PRRC1: variants seen among roughly 807,000 people sequenced by gnomAD.
PRRC1 encodes the protein proline rich coiled-coil 1.
Under a neutral mutation model 40.7 loss-of-function variants are expected in PRRC1, and 39 were observed. The ratio of observed to expected loss-of-function variants is 0.96; its 90% confidence interval spans 0.74 to 1.25. The LOEUF (loss-of-function observed/expected upper bound fraction) is 1.25. PRRC1 is among the 50% of genes most tolerant of loss of function. The pLI is 0.00. For missense variants in PRRC1, 573 were observed against 548.3 expected (o/e 1.05, Z -0.45); for synonymous variants, 175 against 193.3 (o/e 0.91, Z 0.79).
chr5:127,553,977 TTCTGTTCTTGGCC>T lies in PRRC1; in HGVS notation c.*2062_*2074del. ...ACATGAACTGCTCTGGCCTCTCTGG[TTCTGTTCTTGGCC>T]CAGAGTTTTTGAAAAGCAGCGGAGC... On this transcript the variant is annotated 3_prime_UTR_variant, in exon 9 of 9. Coordinates refer to ENST00000296666, the MANE Select transcript of PRRC1 (RefSeq NM_130809.5). 6.9e-7 allele frequency: 1 copy of T among 1,445,362 alleles called. No individual in the cohort carries two copies. Among genetic ancestry groups the T allele is most frequent in the Non-Finnish European group, 9.2e-7 (1 of 1,083,372 alleles). The allele number at this position is 1,445,362 out of a possible 1,614,324, so 89.5% of individuals were successfully genotyped here. A position where few individuals can be genotyped will look rare whatever the true frequency, so the allele number is the denominator to read the frequency against.
At chr5:127,525,010 G>A (rs1170917764) in intron 3 of PRRC1, 90 bp downstream of exon 3, 6 of 1,275,488 alleles carry the variant, frequency 4.7e-6, no homozygotes, top group Middle Eastern at 2.3e-4. Flanking sequence ...TATAATTTAT[G>A]TACTCTACAA....
intron 7 of PRRC1, among the ~76,000 whole-genome samples, chr5:127,541,835 T>C (rs1255249794): frequency 1.3e-5 from 2 of 152,182 alleles, no homozygotes; most frequent in African/African-American, 4.8e-5. Context: ...AGCTCCTGGA[T>C]TCATTAATTT....
chr5:127,551,569 G>A, intron 8 of PRRC1, 138 bp from the exon 9 acceptor site: 2 of 826,718 alleles, frequency 2.4e-6, no homozygotes, highest in South Asian at 1.8e-5. Context: ...GATATAGTTG[G>A]CAGCCTAGCT....
At chr5:127,534,096 A>T (rs1301992208) in intron 6 of PRRC1, among the ~76,000 whole-genome samples, 1 of 152,208 alleles carries the variant, frequency 6.6e-6, no homozygotes, top group Non-Finnish European at 1.5e-5. Flanking sequence ...AGATGATAAT[A>T]TCCCTTGAAT....
At chr5:127,522,972 A>G (rs1767498939) in intron 1 of PRRC1, among the ~76,000 whole-genome samples, 1 of 151,804 alleles carries the variant, frequency 6.6e-6, no homozygotes, top group African/African-American at 2.4e-5. Context: ...ACTGAAATTT[A>G]TATTATTTAC....
At position 127,523,569 on chromosome 5, in the gene PRRC1, C is replaced by G. The variant is rs1767522708; in HGVS notation, c.90C>G (p.Thr30=). 1.2e-6 allele frequency: 2 copies of G among 1,607,136 alleles called. No individual in the cohort carries two copies. The highest frequency in any genetic ancestry group is 1.7e-6 in the Non-Finnish European group (2 of 1,176,650). Residue 30 remains threonine (T), a synonymous_variant, in exon 2 of 9, where the codon ACC becomes ACG. Transcript: ENST00000296666. ...AGLAATAMSS[T]PVPLAATSSF... ...TGGCTGCTACTGCTATGTCTTCTAC[C>G]CCTGTTCCATTAGGTACATGTAGTT... is the stretch of plus-strand genomic sequence containing the variant.
At chr5:127,547,725 T>C in intron 7 of PRRC1, 94 bp from the exon 8 acceptor site, 1 of 748,498 alleles carries the variant, frequency 1.3e-6, no homozygotes, top group Non-Finnish European at 2.2e-6. Flanking sequence ...AAATCTGTTC[T>C]ATCTGAATAA....
At chr5:127,520,603 G>C (rs577378419) in intron 1 of PRRC1, among the ~76,000 whole-genome samples, 1 of 152,304 alleles carries the variant, frequency 6.6e-6, no homozygotes, top group African/African-American at 2.4e-5. Context: ...AACATTCATG[G>C]AACGAGAAAG....
In PRRC1 at chr5:127,545,888, C is replaced by T. The variant is rs116295856; in HGVS notation, c.1026-1931C>T. On this transcript the variant is annotated intron_variant, in intron 7 of 8. Coordinates refer to ENST00000296666, the MANE Select transcript of PRRC1 (RefSeq NM_130809.5). The stretch of plus-strand genomic sequence containing the variant: ...ATTTTCTCTGTCGTTTTATTTTTTG[C>T]GGTTTTAGAATGGTATGATTATATG... 9.5e-3 allele frequency among the ~76,000 whole-genome samples: 1,435 copies of T among 151,294 alleles called. 15 individuals carry two copies. Among genetic ancestry groups the T allele is most frequent in the East Asian group, 0.03 (154 of 5,134 alleles).
chr5:127,532,837 C>T (rs76167103), intron 5 of PRRC1, among the ~76,000 whole-genome samples: 40 of 152,078 alleles, frequency 2.6e-4, no homozygotes, highest in African/African-American at 5.5e-4. Flanking sequence ...TCTCTTTTGC[C>T]GGTGATAACT....
chr5:127,546,588 C>T (rs1768230855), intron 7 of PRRC1, among the ~76,000 whole-genome samples: 1 of 152,116 alleles, frequency 6.6e-6, no homozygotes, highest in Non-Finnish European at 1.5e-5. Flanking sequence ...ATGTAGTGTA[C>T]TTCAGTCACA....
At position 127,524,957 on chromosome 5, in the gene PRRC1, A is replaced by C. The variant is rs376777554; in HGVS notation, c.493+37A>C. 3.3e-6 allele frequency: 5 copies of C among 1,513,590 alleles called. No individual in the cohort carries two copies. In the African/African-American group the frequency reaches 7.0e-5, roughly 21 times the overall value. The allele number at this position is 1,513,590 out of a possible 1,614,324, so 93.8% of individuals were successfully genotyped here. A position where few individuals can be genotyped will look rare whatever the true frequency, so the allele number is the denominator to read the frequency against. On this transcript the variant is annotated intron_variant, in intron 3 of 8. Transcript: ENST00000296666. ...TGATACTTTGAAATACATGGCTATT[A>C]ATTAATGTTTTATTCTTTTTTAAAA... is the stretch of plus-strand genomic sequence containing the variant.
At chr5:127,520,401 AAT>A (rs1237018020) in intron 1 of PRRC1, among the ~76,000 whole-genome samples, 5 of 152,250 alleles carry the variant, frequency 3.3e-5, no homozygotes, top group Non-Finnish European at 7.3e-5. Flanking sequence ...TCAAAAAATA[AAT>A]ATGAATTGCT....
At chr5:127,535,899 G>A (rs1293826126) in intron 6 of PRRC1, among the ~76,000 whole-genome samples, 2 of 151,976 alleles carry the variant, frequency 1.3e-5, no homozygotes, top group Non-Finnish European at 1.5e-5. Context: ...TAAGTTTGAG[G>A]TGTTCTTTGA....
chr5:127,525,026 C>T, intron 3 of PRRC1, 106 bp downstream of exon 3: 4 of 1,143,980 alleles, frequency 3.5e-6, no homozygotes, highest in Non-Finnish European at 4.8e-6. Context: ...TACAATTCAC[C>T]CAATTCAAAG....
In PRRC1 at chr5:127,530,373, A is replaced by G; in HGVS notation, c.734A>G (p.Asp245Gly). 6.2e-7 allele frequency: 1 copy of G among 1,613,730 alleles called. No homozygotes were observed. The highest frequency in any genetic ancestry group is 8.5e-7 in the Non-Finnish European group (1 of 1,179,824). The change falls in exon 5 of 9, where the codon GAC becomes GGC. Residue 245 changes from aspartate (D) to glycine (G), a missense_variant. Coordinates refer to ENST00000296666, the MANE Select transcript of PRRC1 (RefSeq NM_130809.5). ...HSVESMITTLDPGMAPYIKSG... is the reference protein window; with the variant it reads ...HSVESMITTLGPGMAPYIKSG... ...GTAGAAAGCATGATTACAACGCTGG[A>G]CCCTGGCATGGCTCCCTATATCAGT...
chr5:127,519,326 C>G (rs1277426675), intron 1 of PRRC1, among the ~76,000 whole-genome samples: 1 of 152,232 alleles, frequency 6.6e-6, no homozygotes, highest in African/African-American at 2.4e-5. Flanking sequence ...CTGTTCTCTG[C>G]TTAGTGCCAT....
chr5:127,525,646 A>G (rs1262820702), intron 3 of PRRC1, among the ~76,000 whole-genome samples: 2 of 152,176 alleles, frequency 1.3e-5, no homozygotes, highest in Non-Finnish European at 2.9e-5. Flanking sequence ...CTTTCTCTGC[A>G]TTAATGTTCT....
chr5:127,526,602 T>G lies in PRRC1; in HGVS notation c.494-16T>G. On this transcript the variant is annotated splice_polypyrimidine_tract_variant and intron_variant, in intron 3 of 8. Transcript: ENST00000296666. ...TGGAATAAATTATACATATGAAAAT[T>G]TTTGCCATTGATTAGGTCTTTTGCC... is the stretch of plus-strand genomic sequence containing the variant. 2 of 1,588,546 alleles carry G rather than the reference T, an allele frequency of 1.3e-6. No individual in the cohort carries two copies. Among genetic ancestry groups the G allele is most frequent in the South Asian group, 1.2e-5 (1 of 85,214 alleles).
Sources: allele counts gnomAD v4.1 joint callset (sites outside exome capture counted in the v4.1 genomes callset), GRCh38; gene constraint gnomAD v4.1.1; transcripts MANE v1.5; gene names NCBI Gene and HGNC (gene_info 2026-07-23, HGNC 2026-07-21).